Variants in CTPS2 observed in about 807,000 individuals in gnomAD.
The protein encoded by CTPS2 is CTP synthase 2, also known as CTP synthase II.
Under a neutral mutation model 46.8 loss-of-function variants are expected in CTPS2, and 19 were observed. The ratio of observed to expected loss-of-function variants is 0.41; its 90% CI spans 0.28 to 0.60. The LOEUF is 0.60. CTPS2 is among the 20% of genes least tolerant of loss of function. The pLI is 0.35. For missense variants in CTPS2, 286 were observed against 447.6 expected (o/e 0.64, Z 3.26); for synonymous variants, 151 against 165.2 (o/e 0.91, Z 0.66).
chrX:16,653,827 C>A (rs778680140), intron 13 of CTPS2, among the ~76,000 whole-genome samples: 1 of 111,823 alleles, frequency 8.9e-6, no homozygotes, highest in South Asian at 3.7e-4. Context: ...ACGTGTGGAC[C>A]CCAACCCCTC....
In CTPS2 at chrX:16,689,788, AG is replaced by A. The variant is rs761679852; in HGVS notation, c.721-188del. Among the ~76,000 whole-genome samples the A allele has an allele frequency of 7.1e-5, 8 of 112,129 alleles. No homozygotes were observed. The East Asian group carries it at 1.7e-3, about 23-fold the overall frequency. On this transcript the variant is annotated intron_variant, in intron 7 of 18. Transcript: ENST00000359276. Reference sequence around the variant, plus strand: ...TGCACAAGGTTAGCTTCATTTAATTAGAAAACTAATCCCAGCACTATGGGAG... The same window carrying A: ...TGCACAAGGTTAGCTTCATTTAATTAAAAACTAATCCCAGCACTATGGGAG...
In CTPS2 at chrX:16,667,125, AC is replaced by A. The variant is rs1264934602; in HGVS notation, c.1296+388del. ...TGCTGTAAAGAAAAAATAATAATAG[AC>A]CCCCCCCCGCCTTTTTTTTTTTTTG... is the stretch of plus-strand genomic sequence containing the variant. On this transcript the variant is annotated intron_variant, in intron 13 of 18. Coordinates refer to ENST00000359276, the MANE Select transcript of CTPS2 (RefSeq NM_175859.3). Among the ~76,000 whole-genome samples the A allele has an allele frequency of 4.6e-3, 332 of 71,821 alleles. 2 individuals carry two copies. The highest frequency in any genetic ancestry group is 0.028 in the South Asian group (39 of 1,405). 62.4% of individuals were successfully genotyped at this position (71,821 alleles called of 115,157 possible). A position where few individuals can be genotyped will look rare whatever the true frequency, so the allele number is the denominator to read the frequency against.
chrX:16,591,545 T>C (rs1245034093), intron 17 of CTPS2, among the ~76,000 whole-genome samples: 1 of 111,601 alleles, frequency 9.0e-6, no homozygotes, highest in East Asian at 2.8e-4. Flanking sequence ...ATATTGCGTA[T>C]GGCTCATAAG....
At position 16,661,891 on chromosome X, in the gene CTPS2, T is replaced by C. The variant is rs1318076879; in HGVS notation, c.1296+5623A>G. Among the ~76,000 whole-genome samples the C allele has an allele frequency of 2.7e-5, 3 of 110,572 alleles. No individual in the cohort carries two copies. The South Asian group carries it at 1.2e-3, about 43-fold the overall frequency. ...TCTGTCTTCAGGGTGTAATATCTTA[T>C]GTAAATTTAGAATTTTTAGTTACCT... On this transcript the variant is annotated intron_variant, in intron 13 of 18. Transcript: ENST00000359276.
chrX:16,650,394 TCAGGTA>T (rs1262905810), intron 13 of CTPS2, among the ~76,000 whole-genome samples: 2 of 111,076 alleles, frequency 1.8e-5, no homozygotes, highest in Admixed American at 1.9e-4. Flanking sequence ...AGAGTGCAGA[TCAGGTA>T]CATAAAAAGT....
At chrX:16,639,821 G>GGA (rs1931980934) in intron 13 of CTPS2, among the ~76,000 whole-genome samples, 1 of 104,916 alleles carries the variant, frequency 9.5e-6, no homozygotes, top group East Asian at 3.2e-4. Context: ...AAGAAAGAAA[G>GGA]AAAGAAAGAA....
chrX:16,702,044 TTTTG>T lies in CTPS2; in HGVS notation c.166+689_166+692del, dbSNP rs201112103. Among the ~76,000 whole-genome samples, 799 of 110,327 alleles carry T rather than the reference TTTTG, an allele frequency of 7.2e-3. 5 individuals carry two copies. The highest frequency in any genetic ancestry group is 0.023 in the Middle Eastern group (5 of 214). ...TTTTTGGGGGTTGGTTTTTTGTTGT[TTTTG>T]TTTGTTTGTTTGTTTGTTTGTTTTG... On this transcript the variant is annotated intron_variant, in intron 2 of 18. Coordinates refer to ENST00000359276, the MANE Select transcript of CTPS2 (RefSeq NM_175859.3).
At chrX:16,656,286 A>G (rs181841236) in intron 13 of CTPS2, among the ~76,000 whole-genome samples, 5 of 111,869 alleles carry the variant, frequency 4.5e-5, no homozygotes, top group African/African-American at 1.3e-4. Context: ...CCAATTGTAC[A>G]TGATATGCCT....
At chrX:16,655,030 T>C (rs1932784641) in intron 13 of CTPS2, among the ~76,000 whole-genome samples, 1 of 112,132 alleles carries the variant, frequency 8.9e-6, no homozygotes, top group East Asian at 2.8e-4. Context: ...GCTCCACTTT[T>C]CCACCAGAAT....
intron 13 of CTPS2, among the ~76,000 whole-genome samples, chrX:16,651,814 C>T (rs754288830): frequency 8.9e-6 from 1 of 111,815 alleles, no homozygotes; most frequent in South Asian, 3.8e-4. Flanking sequence ...AGCTGATCGT[C>T]CTCACTCCAA....
chrX:16,709,019 G>A (rs1478921170), intron 1 of CTPS2, among the ~76,000 whole-genome samples: 3 of 110,571 alleles, frequency 2.7e-5, no homozygotes, highest in Non-Finnish European at 5.7e-5. Flanking sequence ...TGAGGCAGGA[G>A]AATCGCTTGA....
At chrX:16,615,704 T>C (rs1930494392) in intron 16 of CTPS2, among the ~76,000 whole-genome samples, 1 of 111,868 alleles carries the variant, frequency 8.9e-6, no homozygotes, top group Admixed American at 9.5e-5. Context: ...CCCAATCACA[T>C]TGCTACATGG....
chrX:16,641,993 G>A (rs1396617103), intron 13 of CTPS2, among the ~76,000 whole-genome samples: 1 of 111,936 alleles, frequency 8.9e-6, no homozygotes, highest in African/African-American at 3.2e-5. Flanking sequence ...GACAAACACA[G>A]AGAAAGAGCT....
rs770962234 is a variant in CTPS2 at position 16,676,424 on chromosome X, A to T, written c.1094+1938T>A. ...CATAGGTATTTGAGGGTACAAACCC[A>T]TGGGTGGGCTCAGCTTTAAAAAAGG... On this transcript the variant is annotated intron_variant, in intron 10 of 18. Transcript: ENST00000359276. Among the ~76,000 whole-genome samples, 3 of 112,015 alleles carry T rather than the reference A, an allele frequency of 2.7e-5. No homozygotes were observed. In the East Asian group the frequency reaches 8.4e-4, roughly 31 times the overall value.
intron 9 of CTPS2, among the ~76,000 whole-genome samples, chrX:16,679,976 C>T (rs905159136): frequency 2.7e-5 from 3 of 111,363 alleles, no homozygotes; most frequent in African/African-American, 9.8e-5. Flanking sequence ...ACGACAGGAA[C>T]AGAGAGAACC....
At chrX:16,699,184 G>T in intron 2 of CTPS2, 91 bp from the exon 3 acceptor site, 1 of 642,153 alleles carries the variant, frequency 1.6e-6, no homozygotes, top group Non-Finnish European at 2.3e-6. Flanking sequence ...GCTGGTAAAA[G>T]ATGTATTTGT....
chrX:16,712,220 C>T (rs774143105), intron 1 of CTPS2, 115 bp downstream of exon 1: 2 of 112,387 alleles, frequency 1.8e-5, no homozygotes, highest in East Asian at 5.7e-4. Context: ...ACAAAGGAGC[C>T]CGGCCCCACA....
intron 4 of CTPS2, among the ~76,000 whole-genome samples, chrX:16,697,786 C>T (rs1924240663): frequency 9.0e-6 from 1 of 111,599 alleles, no homozygotes; most frequent in South Asian, 3.7e-4. Flanking sequence ...CACTTATCAC[C>T]GCTACCATCT....
chrX:16,611,268 T>C (rs1225189122), intron 16 of CTPS2, among the ~76,000 whole-genome samples: 1 of 111,209 alleles, frequency 9.0e-6, no homozygotes, highest in Non-Finnish European at 1.9e-5. Flanking sequence ...CGGGGCAATA[T>C]GGTGAAACCC....
Sources: allele counts gnomAD v4.1 joint callset (sites outside exome capture counted in the v4.1 genomes callset), GRCh38; gene constraint gnomAD v4.1.1; transcripts MANE v1.5; gene names NCBI Gene and HGNC (gene_info 2026-07-23, HGNC 2026-07-21).